SLC9A9: variants seen among roughly 807,000 people sequenced by gnomAD.
SLC9A9 encodes solute carrier family 9 member A9, also known as sodium/hydrogen exchanger 9.
A neutral mutation model predicts 77.8 loss-of-function variants in SLC9A9; 62 were observed. The ratio of observed to expected loss-of-function variants is 0.80; its 90% CI spans 0.65 to 0.98. The LOEUF (loss-of-function observed/expected upper bound fraction) is 0.98. Ranked by LOEUF, SLC9A9 falls within the 50% of genes least tolerant of loss-of-function variation. The pLI, the probability that SLC9A9 is intolerant of heterozygous loss-of-function variation, is 0.00. For missense variants in SLC9A9, 775 were observed against 774.9 expected, an observed-to-expected ratio of 1.00 and a Z score of 0.00; for synonymous variants, 320 against 283.5, an observed-to-expected ratio of 1.13 and a Z score of -1.29.
chr3:143,796,846 C>T lies in SLC9A9; in HGVS notation c.436G>A (p.Ala146Thr). Reference sequence around the variant, plus strand: ...TTTACCTTCTTTAGACTATATCCTGCATGAAATATAATTGGTGGCAGTAAA... The same window carrying T: ...TTTACCTTCTTTAGACTATATCCTGTATGAAATATAATTGGTGGCAGTAAA... Reference protein sequence around the residue: ...NVLLPPIIFHAGYSLKKRHFF... With the variant: ...NVLLPPIIFHTGYSLKKRHFF... Residue 146 changes from alanine to threonine, a missense_variant, in exon 3 of 16, where the codon GCA (alanine) becomes ACA (threonine). Transcript: ENST00000316549. The T allele has an allele frequency of 1.2e-6, 2 of 1,609,846 alleles. No individual in the cohort carries two copies. The highest frequency in any genetic ancestry group is 1.7e-6 in the Non-Finnish European group (2 of 1,177,062).
intron 12 of SLC9A9, among the ~76,000 whole-genome samples, chr3:143,388,302 G>C (rs1428172676): frequency 1.3e-5 from 2 of 152,098 alleles, no homozygotes; most frequent in Non-Finnish European, 2.9e-5. Flanking sequence ...TTTTAATTTT[G>C]TTTTGGGAAA....
intron 11 of SLC9A9, among the ~76,000 whole-genome samples, chr3:143,480,188 CCAAAT>C (rs1432172926): frequency 6.6e-6 from 1 of 152,142 alleles, no homozygotes; most frequent in Non-Finnish European, 1.5e-5. Flanking sequence ...TTGTGGTGTG[CCAAAT>C]AGCAAAACCT....
intron 9 of SLC9A9, among the ~76,000 whole-genome samples, chr3:143,505,569 ATTTC>A (rs2036000252): frequency 6.6e-6 from 1 of 152,028 alleles, no homozygotes; most frequent in Non-Finnish European, 1.5e-5. Flanking sequence ...TTTATCATAT[ATTTC>A]TTTGTTTGAG....
intron 4 of SLC9A9, among the ~76,000 whole-genome samples, chr3:143,720,279 G>A (rs1934464470): frequency 6.6e-6 from 1 of 150,958 alleles, no homozygotes; most frequent in Non-Finnish European, 1.5e-5. Context: ...GTTCTTTACT[G>A]GAATTGTGAG....
intron 5 of SLC9A9, among the ~76,000 whole-genome samples, chr3:143,688,948 T>C (rs1933365423): frequency 6.6e-6 from 1 of 151,232 alleles, no homozygotes; most frequent in South Asian, 2.1e-4. Context: ...AAAAAATATA[T>C]ATATAATTTT....
At chr3:143,688,038 C>T (rs1222019139) in intron 5 of SLC9A9, among the ~76,000 whole-genome samples, 2 of 150,526 alleles carry the variant, frequency 1.3e-5, no homozygotes, top group Admixed American at 1.3e-4. Flanking sequence ...TTTTTGCCTC[C>T]TTCCTTCCTT....
At chr3:143,513,085 A>T (rs534045637) in intron 9 of SLC9A9, among the ~76,000 whole-genome samples, 119 of 152,260 alleles carry the variant, frequency 7.8e-4, no homozygotes, top group African/African-American at 2.7e-3. Flanking sequence ...CAACTTCTAA[A>T]AATAAGGCAA....
chr3:143,809,239 T>A (rs2008801745), intron 2 of SLC9A9, among the ~76,000 whole-genome samples: 1 of 152,214 alleles, frequency 6.6e-6, no homozygotes, highest in Non-Finnish European at 1.5e-5. Flanking sequence ...AAAAATCGGG[T>A]TAATCACTCA....
At chr3:143,423,019 C>T (rs72993804) in intron 12 of SLC9A9, among the ~76,000 whole-genome samples, 4,751 of 151,852 alleles carry the variant, frequency 0.031, 259 homozygotes, top group African/African-American at 0.11. Flanking sequence ...CCTAGTGGCA[C>T]GCAATATAGT....
intron 8 of SLC9A9, among the ~76,000 whole-genome samples, chr3:143,572,504 A>G (rs2037281480): frequency 1.1e-4 from 17 of 152,158 alleles, no homozygotes; most frequent in Admixed American, 1.1e-3. Flanking sequence ...TGTTTTTTGA[A>G]TGACTGTGAT....
intron 4 of SLC9A9, among the ~76,000 whole-genome samples, chr3:143,741,326 A>G (rs1935068097): frequency 6.6e-6 from 1 of 152,224 alleles, no homozygotes; most frequent in Non-Finnish European, 1.5e-5. Context: ...AATAGAAGGA[A>G]ATACCAACGG....
intron 2 of SLC9A9, among the ~76,000 whole-genome samples, chr3:143,809,401 A>G (rs1437498519): frequency 1.3e-5 from 2 of 152,208 alleles, no homozygotes; most frequent in African/African-American, 2.4e-5. Context: ...TACAAAACAG[A>G]TTTGTGTTCT....
intron 6 of SLC9A9, among the ~76,000 whole-genome samples, chr3:143,637,488 TTTG>T (rs2038542323): frequency 6.6e-6 from 1 of 152,218 alleles, no homozygotes; most frequent in African/African-American, 2.4e-5. Context: ...ATTTTCCTAT[TTTG>T]AATTTCTATG....
At chr3:143,620,553 T>C (rs1169929484) in intron 6 of SLC9A9, 2 of 152,112 alleles carry the variant, frequency 1.3e-5, no homozygotes, top group Non-Finnish European at 1.5e-5. Context: ...GAACAACTCC[T>C]CAGGCAGACT....
chr3:143,298,203 A>T (rs1328090142), intron 14 of SLC9A9, among the ~76,000 whole-genome samples: 3 of 152,218 alleles, frequency 2.0e-5, no homozygotes, highest in African/African-American at 7.2e-5. Context: ...GCCACTGTGT[A>T]TCCATTCCGT....
At chr3:143,509,620 T>C (rs1054483263) in intron 9 of SLC9A9, among the ~76,000 whole-genome samples, 2 of 152,220 alleles carry the variant, frequency 1.3e-5, no homozygotes, top group Non-Finnish European at 2.9e-5. Flanking sequence ...AAAACAGCTC[T>C]GAATGAGAGC....
intron 1 of SLC9A9, among the ~76,000 whole-genome samples, chr3:143,844,834 G>T (rs150634939): frequency 2.7e-5 from 4 of 150,368 alleles, no homozygotes; most frequent in Non-Finnish European, 5.9e-5. Context: ...GAAGGCTGGA[G>T]TGAAGTGGCA....
rs147835485 is a variant in SLC9A9 at position 143,322,670 on chromosome 3, T to A, written c.1604+40814A>T. Reference sequence around the variant, plus strand: ...AGTTCTTCCTCAGTGGTTCTTGGCATTTTTTTGTGTATGTGTTCAAACCAG... The same window carrying A: ...AGTTCTTCCTCAGTGGTTCTTGGCAATTTTTTGTGTATGTGTTCAAACCAG... On this transcript the variant is annotated intron_variant, in intron 14 of 15. Transcript: ENST00000316549. Among the ~76,000 whole-genome samples, 1,262 of 151,192 alleles carry A rather than the reference T, an allele frequency of 8.3e-3. 6 individuals carry two copies. Among genetic ancestry groups the A allele is most frequent in the Non-Finnish European group, 0.013 (872 of 67,980 alleles).
chr3:143,822,204 C>G (rs1279570751), intron 2 of SLC9A9, among the ~76,000 whole-genome samples: 3 of 152,186 alleles, frequency 2.0e-5, no homozygotes, highest in African/African-American at 2.4e-5. Context: ...CTTCATTTCT[C>G]TCTCTACCCA....
Sources: allele counts gnomAD v4.1 joint callset (sites outside exome capture counted in the v4.1 genomes callset), GRCh38; gene constraint gnomAD v4.1.1; transcripts MANE v1.5; gene names NCBI Gene and HGNC (gene_info 2026-07-23, HGNC 2026-07-21).